The following RFFL variants were observed in gnomAD, a reference collection of about 807,000 sequenced individuals.
The protein encoded by RFFL is E3 ubiquitin-protein ligase rififylin.
A neutral mutation model predicts 40.4 loss-of-function variants in RFFL; 16 were observed. That is an observed-to-expected ratio of 0.40 (90% CI 0.27 to 0.60). The LOEUF (loss-of-function observed/expected upper bound fraction) is 0.60, where lower values mean the gene tolerates loss of function less well. Ranked by LOEUF, RFFL falls within the 20% of genes least tolerant of loss-of-function variation. RFFL has a pLI of 0.47. For missense variants in RFFL, 367 were observed against 451.7 expected (o/e 0.81, Z 1.70); for synonymous variants, 154 against 167.9 (o/e 0.92, Z 0.64).
At chr17:35,046,068 C>T (rs1003012504) in intron 1 of RFFL, among the ~76,000 whole-genome samples, 5 of 150,982 alleles carry the variant, frequency 3.3e-5, no homozygotes, top group African/African-American at 4.9e-5. Context: ...ATTATGATTC[C>T]GGGATGATCA....
intron 2 of RFFL, among the ~76,000 whole-genome samples, chr17:35,023,900 G>C (rs2142324803): frequency 6.6e-6 from 1 of 152,302 alleles, no homozygotes; most frequent in African/African-American, 2.4e-5. Flanking sequence ...GAACAGGATA[G>C]GGCTTGAGGC....
At chr17:35,086,349 A>G (rs2091429155) in intron 1 of RFFL, among the ~76,000 whole-genome samples, 1 of 152,044 alleles carries the variant, frequency 6.6e-6, no homozygotes, top group Non-Finnish European at 1.5e-5. Context: ...AGCTGGGCGT[A>G]GTGACGCACA....
At chr17:35,023,802 C>T (rs2091024464) in intron 2 of RFFL, among the ~76,000 whole-genome samples, 1 of 152,176 alleles carries the variant, frequency 6.6e-6, no homozygotes, top group African/African-American at 2.4e-5. Context: ...GATGCAAGAT[C>T]AGAATGCAGA....
chr17:35,087,221 C>T (rs919906920), intron 1 of RFFL, among the ~76,000 whole-genome samples: 4 of 151,974 alleles, frequency 2.6e-5, no homozygotes, highest in East Asian at 1.9e-4. Flanking sequence ...TGTGGTTGCA[C>T]ATGCCTGAGG....
At chr17:35,032,086 C>A (rs1177350608) in intron 1 of RFFL, among the ~76,000 whole-genome samples, 1 of 139,100 alleles carries the variant, frequency 7.2e-6, no homozygotes, top group Non-Finnish European at 1.5e-5. Context: ...CAGAGCGAGA[C>A]TCCGTCTCAA....
chr17:35,050,296 C>T (rs2091224586), intron 1 of RFFL, among the ~76,000 whole-genome samples: 1 of 152,010 alleles, frequency 6.6e-6, no homozygotes, highest in South Asian at 2.1e-4. Flanking sequence ...GTAACTCACA[C>T]CTGTAATCCC....
intron 1 of RFFL, among the ~76,000 whole-genome samples, chr17:35,034,472 T>A (rs113519822): frequency 3.3e-5 from 5 of 151,954 alleles, no homozygotes; most frequent in Non-Finnish European, 4.4e-5. Flanking sequence ...ACCCACCTGG[T>A]AAGGCACAAT....
chr17:35,056,994 CA>C (rs1282745127), intron 1 of RFFL, among the ~76,000 whole-genome samples: 2 of 151,424 alleles, frequency 1.3e-5, no homozygotes, highest in African/African-American at 4.9e-5. Context: ...CGGCTCACTG[CA>C]ACATCCACCT....
At chr17:35,030,745 A>G (rs1421729295) in intron 1 of RFFL, among the ~76,000 whole-genome samples, 1 of 151,936 alleles carries the variant, frequency 6.6e-6, no homozygotes, top group East Asian at 1.9e-4. Flanking sequence ...AAATTTTGTA[A>G]TTCTTTAAAT....
At chr17:35,082,754 T>A (rs566115829) in intron 1 of RFFL, among the ~76,000 whole-genome samples, 8 of 152,212 alleles carry the variant, frequency 5.3e-5, no homozygotes, top group African/African-American at 9.7e-5. Context: ...TCTCTTTCAA[T>A]CCTCCCTTGC....
At chr17:35,033,404 T>C (rs923263299) in intron 1 of RFFL, among the ~76,000 whole-genome samples, 27 of 151,844 alleles carry the variant, frequency 1.8e-4, no homozygotes. Context: ...AGCACGCGCC[T>C]GTAATCCAAG....
intron 1 of RFFL, among the ~76,000 whole-genome samples, chr17:35,081,636 G>C (rs897078938): frequency 6.6e-6 from 1 of 152,098 alleles, no homozygotes; most frequent in African/African-American, 2.4e-5. Context: ...TAAAGAGAGA[G>C]AGACTATTAC....
At chr17:35,085,499 G>A (rs866255356) in intron 1 of RFFL, among the ~76,000 whole-genome samples, 2 of 152,246 alleles carry the variant, frequency 1.3e-5, no homozygotes, top group Non-Finnish European at 1.5e-5. Flanking sequence ...GTGCGATCTC[G>A]GCTCACTGCA....
chr17:35,049,237 T>C (rs2091218076), intron 1 of RFFL, among the ~76,000 whole-genome samples: 1 of 152,102 alleles, frequency 6.6e-6, no homozygotes, highest in Non-Finnish European at 1.5e-5. Flanking sequence ...ACTTTACCCT[T>C]TTGCTCCTGG....
intron 1 of RFFL, among the ~76,000 whole-genome samples, chr17:35,060,926 T>C (rs566720965): frequency 1.3e-5 from 2 of 152,088 alleles, no homozygotes; most frequent in Non-Finnish European, 2.9e-5. Context: ...TCAGAGAAGA[T>C]GCATATATGA....
chr17:35,033,935 G>A (rs1340807462), intron 1 of RFFL, among the ~76,000 whole-genome samples: 1 of 151,856 alleles, frequency 6.6e-6, no homozygotes, highest in Non-Finnish European at 1.5e-5. Flanking sequence ...GAGGTCAGGA[G>A]ATCGAGACCA....
At position 35,014,736 on chromosome 17, in the gene RFFL, A is replaced by G. The variant is rs766593144; in HGVS notation, c.910+4T>C. 3 of 1,613,510 alleles carry G rather than the reference A, an allele frequency of 1.9e-6. No individual in the cohort carries two copies. Among genetic ancestry groups the G allele is most frequent in the Non-Finnish European group, 2.5e-6 (3 of 1,179,420 alleles). The stretch of plus-strand genomic sequence containing the variant: ...CCCATTCCCAAACAGAAACAACTAC[A>G]TACCGTTTTGGTCTTCGGCACCACT... On this transcript the variant is annotated splice_donor_region_variant and intron_variant, in intron 6 of 6. Transcript: ENST00000394597.
At chr17:35,060,294 C>G (rs995152849) in intron 1 of RFFL, among the ~76,000 whole-genome samples, 21 of 152,346 alleles carry the variant, frequency 1.4e-4, no homozygotes, top group South Asian at 6.2e-4. Flanking sequence ...AGTACCTCCT[C>G]CTCCTACCTT....
intron 1 of RFFL, chr17:35,076,701 AATAATAAT>A (rs1455988338): frequency 6.8e-6 from 1 of 147,734 alleles, no homozygotes; most frequent in African/African-American, 2.5e-5. Flanking sequence ...TAATAATAAT[AATAATAAT>A]AATAATAATA....
Sources: gnomAD v4.1 joint callset for allele counts (sites outside exome capture counted in the v4.1 genomes callset) on GRCh38, gnomAD v4.1.1 for gene constraint, MANE v1.5 for transcripts, NCBI Gene and HGNC (gene_info 2026-07-23, HGNC 2026-07-21) for gene names.